Variants in NFE2L3 observed in about 807,000 individuals in gnomAD.
NFE2L3 encodes the protein NFE2 like bZIP transcription factor 3.
In NFE2L3, 18 loss-of-function variants were observed where a neutral mutation model predicts 23.5. That is an observed-to-expected ratio of 0.77 (90% CI 0.53 to 1.13). The LOEUF (loss-of-function observed/expected upper bound fraction) is 1.13, where lower values mean the gene tolerates loss of function less well. Ranked by LOEUF, NFE2L3 falls within the 50% of genes most tolerant of loss-of-function variation. The pLI is 0.00. For synonymous variants in NFE2L3, 424 were observed against 354.5 expected (o/e 1.20, Z -2.20); for missense variants, 1,152 against 877.2 (o/e 1.31, Z -3.96).
intron 1 of NFE2L3, among the ~76,000 whole-genome samples, chr7:26,164,724 C>G (rs1377985542): frequency 6.6e-6 from 1 of 152,186 alleles, no homozygotes; most frequent in South Asian, 2.1e-4. Context: ...GACATGAAGT[C>G]CTTGCCCATG....
rs969268959 is a variant in NFE2L3 at position 26,152,583 on chromosome 7, G to C, written c.85G>C (p.Asp29His). The change falls in exon 1 of 4, where the codon GAC (aspartate) becomes CAC (histidine). Residue 29 changes from aspartate to histidine, a missense_variant. Coordinates refer to ENST00000056233, the MANE Select transcript of NFE2L3 (RefSeq NM_004289.7). This position sits in a 1 kb window ranked among gnomAD's most constrained non-coding sequence, Gnocchi z 4.4. ...LLLSLAGLRVDLDLYLLLPPP... is the reference protein window; with the variant it reads ...LLLSLAGLRVHLDLYLLLPPP... ...GCTGAGCTTGGCGGGGCTCCGCGTA[G>C]ACCTAGATCTTTACCTGCTGCTGCC... 6 of 1,545,310 alleles carry C rather than the reference G, an allele frequency of 3.9e-6. No individual in the cohort carries two copies. Among genetic ancestry groups the C allele is most frequent in the Non-Finnish European group, 5.2e-6 (6 of 1,156,722 alleles).
intron 1 of NFE2L3, among the ~76,000 whole-genome samples, chr7:26,158,887 G>A (rs973889368): frequency 1.1e-4 from 17 of 152,322 alleles, no homozygotes; most frequent in African/African-American, 3.1e-4. Flanking sequence ...TCCCTTATCC[G>A]TAAAATGGAA....
chr7:26,153,305 A>G (rs1784027802), intron 1 of NFE2L3, among the ~76,000 whole-genome samples: 1 of 152,180 alleles, frequency 6.6e-6, no homozygotes, highest in Non-Finnish European at 1.5e-5. Flanking sequence ...TTGGTTATAG[A>G]GAATACCTTT....
Position 26,177,590 on chromosome 7 carries a change from G to T in NFE2L3, c.571-353G>T, listed in dbSNP as rs150437758. 7.0e-3 allele frequency among the ~76,000 whole-genome samples: 1,064 copies of T among 152,302 alleles called. 9 individuals are homozygous for T. The highest frequency in any genetic ancestry group is 0.01 in the Non-Finnish European group (709 of 68,020). On this transcript the variant is annotated intron_variant, in intron 1 of 3. Coordinates refer to ENST00000056233, the MANE Select transcript of NFE2L3 (RefSeq NM_004289.7). Reference sequence around the variant, plus strand: ...CCAGGCTCAGCAATGGAGGGAGACCGTCGAAAGGAGGGAAGGAGGGAGGAA... The same window carrying T: ...CCAGGCTCAGCAATGGAGGGAGACCTTCGAAAGGAGGGAAGGAGGGAGGAA...
chr7:26,165,959 G>A (rs1784244624), intron 1 of NFE2L3, among the ~76,000 whole-genome samples: 1 of 152,100 alleles, frequency 6.6e-6, no homozygotes, highest in Non-Finnish European at 1.5e-5. Context: ...ATTTTTCATA[G>A]TTGGTTTGTT....
intron 1 of NFE2L3, among the ~76,000 whole-genome samples, chr7:26,175,853 CT>C (rs70943276): frequency 0.16 from 17,609 of 111,676 alleles, 1,726 homozygotes; most frequent in East Asian, 0.4. Context: ...ATTTTCTTTT[CT>C]TTTTTTTTTT....
chr7:26,186,645 G>A lies in NFE2L3; in HGVS notation c.*862G>A, dbSNP rs1045569379. 3.9e-5 allele frequency: 6 copies of A among 152,166 alleles called. No individual in the cohort carries two copies. Among genetic ancestry groups the A allele is most frequent in the African/African-American group, 1.4e-4 (6 of 41,434 alleles). The allele number at this position is 152,166 out of a possible 1,614,324, so 9.4% of individuals were successfully genotyped here. On this transcript the variant is annotated 3_prime_UTR_variant, in exon 4 of 4. Coordinates refer to ENST00000056233, the MANE Select transcript of NFE2L3 (RefSeq NM_004289.7). ...AATCCATAAAATCTCTGGCAGTAAA[G>A]CCAGCCTGAAGGGATGGCCTCACCA...
chr7:26,152,566 T>G lies in NFE2L3; in HGVS notation c.68T>G (p.Leu23Trp). The change falls in exon 1 of 4, where the codon TTG becomes TGG. Residue 23 changes from leucine (L) to tryptophan (W), a missense_variant. Coordinates refer to ENST00000056233, the MANE Select transcript of NFE2L3 (RefSeq NM_004289.7). This position sits in a 1 kb window ranked among gnomAD's most constrained non-coding sequence, Gnocchi z 4.4. ...GLLHLTLLLS[L>W]AGLRVDLDLY... The stretch of plus-strand genomic sequence containing the variant: ...CTGCACCTCACCCTCCTGCTGAGCT[T>G]GGCGGGGCTCCGCGTAGACCTAGAT... 1 of 1,530,446 alleles carries G rather than the reference T, an allele frequency of 6.5e-7. No individual in the cohort carries two copies. The highest frequency in any genetic ancestry group is 1.4e-5 in the African/African-American group (1 of 70,390). 94.8% of individuals were successfully genotyped at this position (1,530,446 alleles called of 1,614,324 possible).
intron 2 of NFE2L3, among the ~76,000 whole-genome samples, chr7:26,179,281 G>A (rs1296228842): frequency 6.6e-6 from 1 of 151,980 alleles, no homozygotes; most frequent in Non-Finnish European, 1.5e-5. Context: ...CATGCAGATC[G>A]CTTGAGCCCA....
intron 3 of NFE2L3, chr7:26,184,208 T>C: frequency 2.9e-6 from 1 of 347,576 alleles, no homozygotes; most frequent in South Asian, 3.9e-5. Context: ...CTCCACAATG[T>C]GATTACCAAC....
intron 1 of NFE2L3, among the ~76,000 whole-genome samples, chr7:26,158,016 T>C (rs1364132286): frequency 1.3e-5 from 2 of 151,212 alleles, no homozygotes; most frequent in Non-Finnish European, 2.9e-5. Context: ...GTATCCAAAT[T>C]TCCCTTTTTT....
intron 1 of NFE2L3, among the ~76,000 whole-genome samples, chr7:26,172,017 A>G (rs1244292252): frequency 1.3e-5 from 2 of 152,380 alleles, no homozygotes; most frequent in Non-Finnish European, 2.9e-5. Context: ...CATTAAATTC[A>G]TCAGCAAGAA....
intron 1 of NFE2L3, among the ~76,000 whole-genome samples, chr7:26,161,444 T>C (rs1325029857): frequency 1.4e-5 from 2 of 140,754 alleles, no homozygotes; most frequent in Non-Finnish European, 3.0e-5. Context: ...GGGGCACTAG[T>C]TAAAATGCAG....
intron 1 of NFE2L3, among the ~76,000 whole-genome samples, chr7:26,158,120 CT>C (rs1784111550): frequency 1.3e-5 from 2 of 152,118 alleles, no homozygotes; most frequent in African/African-American, 2.4e-5. Context: ...GCAATCTCGG[CT>C]CACTGCAACC....
At chr7:26,158,582 C>T (rs762755800) in intron 1 of NFE2L3, among the ~76,000 whole-genome samples, 2 of 152,182 alleles carry the variant, frequency 1.3e-5, no homozygotes, top group Non-Finnish European at 2.9e-5. Flanking sequence ...TGATGTGCAA[C>T]CCTGAGGAAG....
At chr7:26,171,954 A>T (rs761468629) in intron 1 of NFE2L3, among the ~76,000 whole-genome samples, 112 of 152,286 alleles carry the variant, frequency 7.4e-4, no homozygotes, top group Non-Finnish European at 1.3e-3. Context: ...TACTCAATTT[A>T]AAATGACTGA....
rs755661514 is a variant in NFE2L3, at chr7:26,185,017, C to CT, written c.1320dup (p.Val441CysfsTer3). ...GTCATCAAGTCTAATTCCTCTCACT[C>CT]TGTGTGTGATGAAGGTGCTATAGGT... On this transcript the variant is annotated frameshift_variant, in exon 4 of 4. Transcript: ENST00000056233. LOFTEE classifies it low-confidence loss of function (END_TRUNC). The CT allele has an allele frequency of 2.5e-6, 4 of 1,613,678 alleles. No homozygotes were observed. The highest frequency in any genetic ancestry group is 2.2e-5 in the South Asian group (2 of 91,052).
chr7:26,177,293 C>G (rs1475244151), intron 1 of NFE2L3, among the ~76,000 whole-genome samples: 1 of 152,198 alleles, frequency 6.6e-6, no homozygotes, highest in African/African-American at 2.4e-5. Flanking sequence ...TGCCACTGCA[C>G]TCCAGCCTGG....
intron 1 of NFE2L3, among the ~76,000 whole-genome samples, chr7:26,177,574 GC>G (rs1784436590): frequency 6.6e-6 from 1 of 152,254 alleles, no homozygotes; most frequent in Non-Finnish European, 1.5e-5. Context: ...TCCAGGCTCA[GC>G]AATGGAGGGA....
Sources: gnomAD v4.1 joint callset for allele counts (sites outside exome capture counted in the v4.1 genomes callset) on GRCh38, gnomAD v4.1.1 for gene constraint, Gnocchi (gnomAD v3.1) non-coding constraint, MANE v1.5 for transcripts, NCBI Gene and HGNC (gene_info 2026-07-23, HGNC 2026-07-21) for gene names.